DYNC1H1: variants seen among roughly 807,000 people sequenced by gnomAD.
DYNC1H1 encodes dynein cytoplasmic 1 heavy chain 1, also known as cytoplasmic dynein 1 heavy chain 1.
DYNC1H1 carries 51 observed loss-of-function variants against 527.1 expected under a neutral mutation model. The observed-to-expected ratio is 0.10, with a 90% CI of 0.08 to 0.12. DYNC1H1 has a LOEUF of 0.12. Ranked by LOEUF, DYNC1H1 falls within the 10% of genes least tolerant of loss-of-function variation. The pLI is 1.00. For synonymous variants in DYNC1H1, 2,189 were observed against 2,278.8 expected (o/e 0.96, Z 1.12); for missense variants, 2,771 against 5,971.8 (o/e 0.46, Z 17.66).
At chr14:102,014,359 C>G (rs777286059) in intron 34 of DYNC1H1, among the ~76,000 whole-genome samples, 18 of 152,186 alleles carry the variant, frequency 1.2e-4, no homozygotes, top group African/African-American at 4.3e-4. Context: ...CATGATGAAA[C>G]CCCGTCTCTA....
Position 102,033,049 on chromosome 14 carries a change from C to T in DYNC1H1, c.10080-16C>T, listed in dbSNP as rs774795089. ...TTGTCCTGCATGTGTTTAGAAATAT[C>T]ATTCGTCTTTTACAGTGACGCCATA... On this transcript the variant is annotated splice_polypyrimidine_tract_variant and intron_variant, in intron 52 of 77. Coordinates refer to ENST00000360184, the MANE Select transcript of DYNC1H1 (RefSeq NM_001376.5). This position sits in a 1 kb window ranked among gnomAD's most constrained non-coding sequence, Gnocchi z 5.6. 19 of 1,607,612 alleles carry T rather than the reference C, an allele frequency of 1.2e-5. No individual in the cohort carries two copies. The highest frequency in any genetic ancestry group is 3.3e-5 in the Admixed American group (2 of 59,968).
At position 102,036,750 on chromosome 14, in the gene DYNC1H1, G is replaced by A; in HGVS notation, c.10908+108G>A. On this transcript the variant is annotated intron_variant, in intron 57 of 77. Coordinates refer to ENST00000360184, the MANE Select transcript of DYNC1H1 (RefSeq NM_001376.5). This position sits in a 1 kb window ranked among gnomAD's most constrained non-coding sequence, Gnocchi z 5.6. ...GTAAGACTTCATTTTGTATCAGAAG[G>A]ATAAAGCTTTGCGGTGGTTCTGTAA... 1 of 1,415,078 alleles carries A rather than the reference G, an allele frequency of 7.1e-7. No individual in the cohort carries two copies. Among genetic ancestry groups the A allele is most frequent in the Non-Finnish European group, 1.0e-6 (1 of 1,003,944 alleles). The allele number at this position is 1,415,078 out of a possible 1,614,324, so 87.7% of individuals were successfully genotyped here.
chr14:102,028,723 G>A (rs1004768332), intron 48 of DYNC1H1: 13 of 176,886 alleles, frequency 7.3e-5, no homozygotes, highest in Admixed American at 7.0e-4. Context: ...TCCCACTGCT[G>A]CTGTATGTTC....
Position 102,027,207 on chromosome 14 carries a change from G to A in DYNC1H1, c.8805G>A (p.Leu2935=). 3.1e-6 allele frequency: 5 copies of A among 1,614,100 alleles called. No individual in the cohort carries two copies. Among genetic ancestry groups the A allele is most frequent in the Non-Finnish European group, 4.2e-6 (5 of 1,180,012 alleles). The change falls in exon 45 of 78, where the codon CTG becomes CTA. Residue 2935 remains leucine (L), a synonymous_variant. Coordinates refer to ENST00000360184, the MANE Select transcript of DYNC1H1 (RefSeq NM_001376.5). This position sits in a 1 kb window ranked among gnomAD's most constrained non-coding sequence, Gnocchi z 7.7. ...GTCAACCTCAAGGCCACTTGCTTCTGATTGGTGTTAGTGGAGCAGGAAAAA... is the reference window on the plus strand; with the variant it reads ...GTCAACCTCAAGGCCACTTGCTTCTAATTGGTGTTAGTGGAGCAGGAAAAA... The part of the protein sequence containing the change: ...IFRQPQGHLL[L]IGVSGAGKTT...
Position 102,017,240 on chromosome 14 carries a change from C to T in DYNC1H1, c.8001C>T (p.Asn2667=). 6.2e-7 allele frequency: 1 copy of T among 1,614,256 alleles called. No individual in the cohort carries two copies. Among genetic ancestry groups the T allele is most frequent in the Non-Finnish European group, 8.5e-7 (1 of 1,180,052 alleles). ...KWLVLFCDEI[N]LPDMDKYGTQ... Reference sequence around the variant, plus strand: ...TGGTGTTGTTCTGTGATGAAATCAACTTGCCAGATATGGATAAATATGGGA... The same window carrying T: ...TGGTGTTGTTCTGTGATGAAATCAATTTGCCAGATATGGATAAATATGGGA... The change falls in exon 39 of 78, where the codon AAC becomes AAT. Residue 2667 remains asparagine (N), a synonymous_variant. Coordinates refer to ENST00000360184, the MANE Select transcript of DYNC1H1 (RefSeq NM_001376.5). The surrounding 1 kb of genome is among the most constrained non-coding windows in gnomAD (Gnocchi z 4.6).
Position 102,029,964 on chromosome 14 carries a change from G to A in DYNC1H1, c.9762+26G>A, listed in dbSNP as rs754176803. On this transcript the variant is annotated intron_variant, in intron 50 of 77. Coordinates refer to ENST00000360184, the MANE Select transcript of DYNC1H1 (RefSeq NM_001376.5). This position sits in a 1 kb window ranked among gnomAD's most constrained non-coding sequence, Gnocchi z 5.3. ...GTATGGTGTCAGGGAATTCTGGCCTGTAAGGACTGAGCATTTTCAGTCTCC... is the reference window on the plus strand; with the variant it reads ...GTATGGTGTCAGGGAATTCTGGCCTATAAGGACTGAGCATTTTCAGTCTCC... 4 of 1,614,080 alleles carry A rather than the reference G, an allele frequency of 2.5e-6. No individual in the cohort carries two copies. In the South Asian group the frequency reaches 3.3e-5, roughly 13 times the overall value.
Position 102,038,736 on chromosome 14 carries a change from T to C in DYNC1H1, c.11094T>C (p.Phe3698=), listed in dbSNP as rs750612199. 6.2e-7 allele frequency: 1 copy of C among 1,614,120 alleles called. No individual in the cohort carries two copies. The highest frequency in any genetic ancestry group is 1.3e-5 in the African/African-American group (1 of 74,946). Residue 3698 remains phenylalanine (F), a synonymous_variant, in exon 59 of 78, where the codon TTT becomes TTC. Transcript: ENST00000360184. The surrounding 1 kb of genome is among the most constrained non-coding windows in gnomAD (Gnocchi z 7.2). Reference sequence around the variant, plus strand: ...CAGATCTCTGTTCCCGGGTTACTTTTGTAAACTTCACAGTTACCCGTAGCA... The same window carrying C: ...CAGATCTCTGTTCCCGGGTTACTTTCGTAAACTTCACAGTTACCCGTAGCA... ...FPPDLCSRVT[F]VNFTVTRSSL... is the part of the protein sequence containing the mutation.
chr14:102,001,123 A>T lies in DYNC1H1; in HGVS notation c.4186-22A>T. 1 of 1,614,112 alleles carries T rather than the reference A, an allele frequency of 6.2e-7. No homozygotes were observed. Among genetic ancestry groups the T allele is most frequent in the Non-Finnish European group, 8.5e-7 (1 of 1,180,018 alleles). ...CATTAGAAACGCACCTGCACAGATC[A>T]CTTTGTTTACTTTCTCCACAGATAA... is the stretch of plus-strand genomic sequence containing the variant. On this transcript the variant is annotated intron_variant, in intron 19 of 77. Transcript: ENST00000360184. This position sits in a 1 kb window ranked among gnomAD's most constrained non-coding sequence, Gnocchi z 5.0.
chr14:102,033,890 C>T lies in DYNC1H1; in HGVS notation c.10414-86C>T. 1 of 1,478,232 alleles carries T rather than the reference C, an allele frequency of 6.8e-7. No homozygotes were observed. Among genetic ancestry groups the T allele is most frequent in the South Asian group, 1.2e-5 (1 of 86,624 alleles). The allele number at this position is 1,478,232 out of a possible 1,614,324, so 91.6% of individuals were successfully genotyped here. ...TTTCTAACCCACCCAAAACCCTGCA[C>T]ATAATGTGGATGAACCGATTTGCAG... On this transcript the variant is annotated intron_variant, in intron 54 of 77. Coordinates refer to ENST00000360184, the MANE Select transcript of DYNC1H1 (RefSeq NM_001376.5). The surrounding 1 kb of genome is among the most constrained non-coding windows in gnomAD (Gnocchi z 5.6).
In DYNC1H1 at chr14:101,964,863, G is replaced by A; in HGVS notation, c.172G>A (p.Glu58Lys). ...APAALEAALE[E>K]KSALEQMRKF... ...GGCCGCGCTGGAGGCGGCGCTGGAG[G>A]AGAAGAGCGCCCTGGAGCAGATGCG... Residue 58 changes from glutamate (E) to lysine (K), a missense_variant, in exon 1 of 78, where the codon GAG (glutamate) becomes AAG (lysine). By Grantham distance (56) the Glu-to-Lys change is moderately conservative. This residue lies in a region of DYNC1H1 where 101 missense variants were observed against 105.3 expected (regional missense o/e 0.96). Transcript: ENST00000360184. The surrounding 1 kb of genome is among the most constrained non-coding windows in gnomAD (Gnocchi z 5.5). 6.3e-7 allele frequency: 1 copy of A among 1,598,150 alleles called. No homozygotes were observed. Among genetic ancestry groups the A allele is most frequent in the Non-Finnish European group, 8.5e-7 (1 of 1,173,308 alleles).
Position 102,033,500 on chromosome 14 carries a change from T to C in DYNC1H1, c.10413+16T>C, listed in dbSNP as rs769305587. 1.8e-5 allele frequency: 29 copies of C among 1,613,566 alleles called. No homozygotes were observed. The highest frequency in any genetic ancestry group is 2.1e-5 in the Non-Finnish European group (25 of 1,179,862). ...CGAGGCAAAAGTAAGATTATCATCA[T>C]TGATCCTCAGCCTTTCCTGCTGTGG... On this transcript the variant is annotated intron_variant, in intron 54 of 77. Transcript: ENST00000360184. The surrounding 1 kb of genome is among the most constrained non-coding windows in gnomAD (Gnocchi z 5.6).
chr14:102,033,178 C>T lies in DYNC1H1; in HGVS notation c.10193C>T (p.Ala3398Val). 1 of 1,614,170 alleles carries T rather than the reference C, an allele frequency of 6.2e-7. No individual in the cohort carries two copies. The highest frequency in any genetic ancestry group is 1.1e-5 in the South Asian group (1 of 91,080). Residue 3398 changes from alanine (A) to valine (V), a missense_variant, in exon 53 of 78, where the codon GCA becomes GTA. Coordinates refer to ENST00000360184, the MANE Select transcript of DYNC1H1 (RefSeq NM_001376.5). The surrounding 1 kb of genome is among the most constrained non-coding windows in gnomAD (Gnocchi z 5.6). ...GGCCCTATGGTGAAATGGGCAATTG[C>T]ACAGGTGATTAACACAGCCAGGAGC... ...ACGPMVKWAI[A>V]QLNYADMLKR...
rs966774752 is a variant in DYNC1H1 at position 101,985,140 on chromosome 14, T to C, written c.1462-547T>C. 8.5e-5 allele frequency among the ~76,000 whole-genome samples: 13 copies of C among 152,054 alleles called. No homozygotes were observed. Among genetic ancestry groups the C allele is most frequent in the Non-Finnish European group, 2.9e-5 (2 of 68,002 alleles). ...GGAAGGACCCTAGAGCCAGACTTCCTGGGTTTTAAATCCTAATTCCATCGT... is the reference window on the plus strand; with the variant it reads ...GGAAGGACCCTAGAGCCAGACTTCCCGGGTTTTAAATCCTAATTCCATCGT... On this transcript the variant is annotated intron_variant, in intron 7 of 77. Transcript: ENST00000360184. This position sits in a 1 kb window ranked among gnomAD's most constrained non-coding sequence, Gnocchi z 5.9.
At position 102,017,668 on chromosome 14, in the gene DYNC1H1, T is replaced by C. The variant is rs1171404585; in HGVS notation, c.8177+164T>C. 32 of 1,364,508 alleles carry C rather than the reference T, an allele frequency of 2.3e-5. No homozygotes were observed. In the Admixed American group the frequency reaches 6.3e-4, roughly 27 times the overall value. 84.5% of individuals were successfully genotyped at this position (1,364,508 alleles called of 1,614,324 possible). On this transcript the variant is annotated intron_variant, in intron 40 of 77. Transcript: ENST00000360184. This position sits in a 1 kb window ranked among gnomAD's most constrained non-coding sequence, Gnocchi z 4.6. Reference sequence around the variant, plus strand: ...TGTGCTGTAATGCCAGGAAAACATGTTAAAAATAAAAGCATTGGCCGGGCG... The same window carrying C: ...TGTGCTGTAATGCCAGGAAAACATGCTAAAAATAAAAGCATTGGCCGGGCG...
chr14:101,988,398 T>C lies in DYNC1H1; in HGVS notation c.2719-305T>C, dbSNP rs1017955427. 4.6e-5 allele frequency among the ~76,000 whole-genome samples: 7 copies of C among 152,236 alleles called. No individual in the cohort carries two copies. The East Asian group carries it at 1.2e-3, about 25-fold the overall frequency. ...TAAAGCACACTTACCAATCCACGCC[T>C]TTTCCCACTGGTGGACTTCAGAGAG... On this transcript the variant is annotated intron_variant, in intron 9 of 77. Transcript: ENST00000360184.
At chr14:102,030,618 C>G (rs962603394) in intron 51 of DYNC1H1, 5 of 326,202 alleles carry the variant, frequency 1.5e-5, no homozygotes, top group Non-Finnish European at 2.3e-5. Flanking sequence ...TTGAATTTCA[C>G]CCAGAAATAT....
Position 102,038,595 on chromosome 14 carries a change from C to T in DYNC1H1, c.11044C>T (p.Arg3682Trp), listed in dbSNP as rs770214032. ...SPSFVIFLST[R>W]DPTVEFPPDL... ...ATCGTTTGTCATCTTCCTGTCCACC[C>T]GGGATCCAACTGTAAGGAATGGGAC... The change falls in exon 58 of 78, where the codon CGG (arginine) becomes TGG (tryptophan). Residue 3682 changes from arginine to tryptophan, a missense_variant. Around this residue, in one of 32 missense-constraint regions of DYNC1H1, gnomAD observed 283 missense variants for 737.6 expected, o/e 0.38. Coordinates refer to ENST00000360184, the MANE Select transcript of DYNC1H1 (RefSeq NM_001376.5). This position sits in a 1 kb window ranked among gnomAD's most constrained non-coding sequence, Gnocchi z 7.2. 2 of 1,614,184 alleles carry T rather than the reference C, an allele frequency of 1.2e-6. No homozygotes were observed. Among genetic ancestry groups the T allele is most frequent in the Non-Finnish European group, 8.5e-7 (1 of 1,180,034 alleles).
At chr14:102,046,693 G>C (rs1225565954) in intron 72 of DYNC1H1, among the ~76,000 whole-genome samples, 1 of 152,192 alleles carries the variant, frequency 6.6e-6, no homozygotes, top group Non-Finnish European at 1.5e-5. Flanking sequence ...CTCATTCATG[G>C]TCGGGCTGAA....
intron 51 of DYNC1H1, chr14:102,030,853 A>G (rs1050459013): frequency 8.8e-5 from 14 of 158,642 alleles, no homozygotes; most frequent in African/African-American, 3.4e-4. Flanking sequence ...TAATCCCAGC[A>G]CTTTGGGAGG....
Sources: allele counts gnomAD v4.1 joint callset (sites outside exome capture counted in the v4.1 genomes callset), GRCh38; gene constraint gnomAD v4.1.1; regional missense constraint gnomAD v4.1.1; non-coding constraint Gnocchi (gnomAD v3.1); transcripts MANE v1.5; gene names NCBI Gene and HGNC (gene_info 2026-07-23, HGNC 2026-07-21).